The following CALB2 variants were observed in gnomAD, a reference collection of about 807,000 sequenced individuals.
CALB2 encodes calbindin 2, also known as calretinin.
In CALB2, 34 loss-of-function variants were observed where a neutral mutation model predicts 45.9. That is an observed-to-expected ratio of 0.74 (90% CI 0.56 to 0.99). CALB2 has a LOEUF of 0.99. CALB2 is among the 50% of genes least tolerant of loss of function. The pLI is 0.00. For synonymous variants in CALB2, 142 were observed against 129.6 expected, an observed-to-expected ratio of 1.10 and a Z score of -0.65; for missense variants, 344 against 339.3, an observed-to-expected ratio of 1.01 and a Z score of -0.11.
At position 71,390,025 on chromosome 16, in the gene CALB2, T is replaced by TG. The variant is rs147983876; in HGVS notation, c.*166dup. On this transcript the variant is annotated 3_prime_UTR_variant, in exon 11 of 11. Coordinates refer to ENST00000302628, the MANE Select transcript of CALB2 (RefSeq NM_001740.5). ...AAATGAGAGATAGAGGATGGGCAGC[T>TG]GGGGGGCTGTCCTGAGCCCCCTGCA... is the stretch of plus-strand genomic sequence containing the variant. The TG allele has an allele frequency of 8.2e-6, 5 of 606,182 alleles. No individual in the cohort carries two copies. Among genetic ancestry groups the TG allele is most frequent in the Admixed American group, 2.8e-5 (1 of 35,184 alleles). The allele number at this position is 606,182 out of a possible 1,614,324, so 37.6% of individuals were successfully genotyped here.
intron 1 of CALB2, 59 bp from the exon 2 acceptor site, chr16:71,372,094 A>ACCCCGGGCC: frequency 9.4e-7 from 1 of 1,058,714 alleles, no homozygotes; most frequent in Non-Finnish European, 1.4e-6. Context: ...CGACATGCCC[A>ACCCCGGGCC]CCCCGTGCCC....
At chr16:71,376,747 A>C (rs2042420637) in intron 3 of CALB2, among the ~76,000 whole-genome samples, 4 of 151,668 alleles carry the variant, frequency 2.6e-5, no homozygotes, top group South Asian at 2.1e-4. Flanking sequence ...AACCACACAC[A>C]CCCCCATACA....
chr16:71,376,348 G>C lies in CALB2; in HGVS notation c.262-1319G>C, dbSNP rs143333263. ...AAGGCCAGGGTTAGGGTTTGTTCCA[G>C]GTGGAAGCCAGGGCTCCCGCTCTGC... On this transcript the variant is annotated intron_variant, in intron 3 of 10. Transcript: ENST00000302628. 3.6e-3 allele frequency among the ~76,000 whole-genome samples: 551 copies of C among 152,322 alleles called. 5 individuals are homozygous for C. The highest frequency in any genetic ancestry group is 0.013 in the African/African-American group (520 of 41,554).
intron 4 of CALB2, among the ~76,000 whole-genome samples, chr16:71,379,615 G>A (rs1415197652): frequency 1.3e-5 from 2 of 152,068 alleles, no homozygotes; most frequent in Non-Finnish European, 2.9e-5. Flanking sequence ...CCCACCTCAC[G>A]AACTGCCTGC....
chr16:71,385,824 GATTA>G (rs1039062454), intron 10 of CALB2, among the ~76,000 whole-genome samples, 176 bp downstream of exon 10: 6 of 152,112 alleles, frequency 3.9e-5, no homozygotes, highest in Admixed American at 2.6e-4. Flanking sequence ...TTGGTTGGTT[GATTA>G]ATTGATGTTT....
At chr16:71,369,974 C>T (rs1218884502) in intron 1 of CALB2, among the ~76,000 whole-genome samples, 2 of 152,144 alleles carry the variant, frequency 1.3e-5, no homozygotes, top group African/African-American at 2.4e-5. Context: ...CTTTAGCCGG[C>T]CTCACAGGAA....
At position 71,358,785 on chromosome 16, in the gene CALB2, G is replaced by C. The variant is rs1204559034; in HGVS notation, c.-8G>C. 2 of 1,600,500 alleles carry C rather than the reference G, an allele frequency of 1.2e-6. No individual in the cohort carries two copies. Among genetic ancestry groups the C allele is most frequent in the Non-Finnish European group, 8.5e-7 (1 of 1,174,994 alleles). ...GCGGTGCAGGCTGAGGTCTCCGAGC[G>C]GCTCGCCATGGCTGGCCCGCAGCAG... On this transcript the variant is annotated 5_prime_UTR_variant, in exon 1 of 11. Coordinates refer to ENST00000302628, the MANE Select transcript of CALB2 (RefSeq NM_001740.5).
chr16:71,375,399 C>T (rs2042398857), intron 3 of CALB2, among the ~76,000 whole-genome samples: 1 of 152,146 alleles, frequency 6.6e-6, no homozygotes. Context: ...TAATCAGTGA[C>T]CACAGTCAAG....
At chr16:71,376,238 G>T in intron 3 of CALB2, among the ~76,000 whole-genome samples, 1 of 152,266 alleles carries the variant, frequency 6.6e-6, no homozygotes, top group East Asian at 1.9e-4. Context: ...AGTGGGTGTG[G>T]CCACGTCTTA....
At chr16:71,360,148 C>T (rs1372249519) in intron 1 of CALB2, among the ~76,000 whole-genome samples, 1 of 152,190 alleles carries the variant, frequency 6.6e-6, no homozygotes, top group African/African-American at 2.4e-5. Context: ...ATCAGGTGTG[C>T]CTCACTCCAT....
rs1179348162 is a variant in CALB2 at position 71,366,128 on chromosome 16, G to A, written c.95-6025G>A. Among the ~76,000 whole-genome samples the A allele has an allele frequency of 2.8e-5, 4 of 140,914 alleles. No individual in the cohort carries two copies. The East Asian group carries it at 6.5e-4, about 23-fold the overall frequency. The allele number at this position is 140,914 out of a possible 152,430, so 92.4% of individuals were successfully genotyped here. ...TGCAAGCTCCACCTCCCAGGTTCAC[G>A]CCATTCTCCTGCCTCAGCCTCCCAA... On this transcript the variant is annotated intron_variant, in intron 1 of 10. Coordinates refer to ENST00000302628, the MANE Select transcript of CALB2 (RefSeq NM_001740.5).
chr16:71,380,286 CCTTTTCTTTTTTTTTTTT>C (rs1567541499), intron 4 of CALB2, among the ~76,000 whole-genome samples: 2 of 106,794 alleles, frequency 1.9e-5, no homozygotes, highest in African/African-American at 7.9e-5. Context: ...TTCTTTCCTT[CCTTTTCTTTTTTTTTTTT>C]TTTTTTTTTT....
chr16:71,377,469 C>T (rs547555720), intron 3 of CALB2, among the ~76,000 whole-genome samples, 198 bp from the exon 4 acceptor site: 9 of 152,260 alleles, frequency 5.9e-5, no homozygotes, highest in South Asian at 2.1e-4. Context: ...AAGGTTGGGA[C>T]GACTCAAAAG....
In CALB2 at chr16:71,382,155, A is replaced by AGAAGGAAGGAAGGAAG. The variant is rs1555526542; in HGVS notation, c.343-561_343-560insGGAAGGAAGGAAGGAA. ...AGGAAGGAAAGAAGGAAGGAAGGAA[A>AGAAGGAAGGAAGGAAG]GAAAATAAAGGAAGGAAGGAACGAA... On this transcript the variant is annotated intron_variant, in intron 4 of 10. Transcript: ENST00000302628. 3.6e-3 allele frequency among the ~76,000 whole-genome samples: 520 copies of AGAAGGAAGGAAGGAAG among 144,512 alleles called. 5 individuals are homozygous for AGAAGGAAGGAAGGAAG. The highest frequency in any genetic ancestry group is 0.013 in the African/African-American group (487 of 38,394). 94.8% of individuals were successfully genotyped at this position (144,512 alleles called of 152,430 possible). A position where few individuals can be genotyped will look rare whatever the true frequency, so the allele number is the denominator to read the frequency against.
chr16:71,384,768 C>T lies in CALB2; in HGVS notation c.574-15C>T. Reference sequence around the variant, plus strand: ...TGCGCTTCTGCTTCTGTCTTTAATACCCTGGTTCTTGCAGGGCATGAAGCT... The same window carrying T: ...TGCGCTTCTGCTTCTGTCTTTAATATCCTGGTTCTTGCAGGGCATGAAGCT... On this transcript the variant is annotated splice_polypyrimidine_tract_variant and intron_variant, in intron 8 of 10. Coordinates refer to ENST00000302628, the MANE Select transcript of CALB2 (RefSeq NM_001740.5). The T allele has an allele frequency of 4.9e-6, 7 of 1,423,876 alleles. No homozygotes were observed. Among genetic ancestry groups the T allele is most frequent in the Non-Finnish European group, 5.6e-6 (6 of 1,077,656 alleles). The allele number at this position is 1,423,876 out of a possible 1,614,324, so 88.2% of individuals were successfully genotyped here. A position where few individuals can be genotyped will look rare whatever the true frequency, so the allele number is the denominator to read the frequency against.
At chr16:71,385,274 G>C (rs2042557617) in intron 9 of CALB2, 3 of 370,932 alleles carry the variant, frequency 8.1e-6, no homozygotes, top group African/African-American at 6.1e-5. Flanking sequence ...CAGTGTTGGA[G>C]GTAAACTTTA....
chr16:71,385,436 T>G, intron 9 of CALB2, 141 bp from the exon 10 acceptor site: 1 of 585,808 alleles, frequency 1.7e-6, no homozygotes, highest in East Asian at 2.9e-5. Flanking sequence ...AAGGGACACA[T>G]TATTTTGTCA....
At chr16:71,368,693 G>A (rs994386208) in intron 1 of CALB2, among the ~76,000 whole-genome samples, 2 of 152,014 alleles carry the variant, frequency 1.3e-5, no homozygotes, top group African/African-American at 4.8e-5. Context: ...ACTCTGCCAT[G>A]CCCGTGTGTC....
intron 10 of CALB2, among the ~76,000 whole-genome samples, chr16:71,386,941 C>T (rs1273575452): frequency 6.6e-6 from 1 of 152,172 alleles, no homozygotes; most frequent in African/African-American, 2.4e-5. Flanking sequence ...GCAAATACTT[C>T]CTGGGAAGAA....
Sources: allele counts gnomAD v4.1 joint callset (sites outside exome capture counted in the v4.1 genomes callset), GRCh38; gene constraint gnomAD v4.1.1; transcripts MANE v1.5; gene names NCBI Gene and HGNC (gene_info 2026-07-23, HGNC 2026-07-21).